The following FAM47E variants were observed in gnomAD, a reference collection of about 807,000 sequenced individuals.
FAM47E encodes the protein protein FAM47E.
Under a neutral mutation model 41.6 loss-of-function variants are expected in FAM47E, and 32 were observed. The ratio of observed to expected loss-of-function variants is 0.77; its 90% confidence interval spans 0.58 to 1.03. The LOEUF is 1.03. Among genes scored for constraint, FAM47E ranks in the 50% least tolerant of loss-of-function variants. The probability of loss-of-function intolerance (pLI) is 0.00; values close to 1 mark genes in which losing one functional copy is unlikely to be tolerated. For synonymous variants in FAM47E, 184 were observed against 188.7 expected (o/e 0.98, Z 0.20); for missense variants, 424 against 485.4 (o/e 0.87, Z 1.19).
chr4:76,225,227 T>G (rs1210746820), intron 2 of FAM47E, among the ~76,000 whole-genome samples: 1 of 152,214 alleles, frequency 6.6e-6, no homozygotes, highest in Non-Finnish European at 1.5e-5. Flanking sequence ...TTTCCAGTTG[T>G]GTATTGTGCT....
intron 5 of FAM47E, among the ~76,000 whole-genome samples, chr4:76,272,575 T>G (rs1441912): frequency 0.75 from 114,216 of 152,148 alleles, 43,258 homozygotes; most frequent in Middle Eastern, 0.84. Context: ...TTCTATCCTT[T>G]ACTCCATTGC....
intron 2 of FAM47E, among the ~76,000 whole-genome samples, chr4:76,222,749 C>T (rs1191810134): frequency 6.6e-6 from 1 of 152,162 alleles, no homozygotes; most frequent in African/African-American, 2.4e-5. Context: ...TGCTATATGC[C>T]AAGCTCTGTT....
chr4:76,232,214 C>T (rs1424604530), intron 2 of FAM47E, among the ~76,000 whole-genome samples: 4 of 152,152 alleles, frequency 2.6e-5, no homozygotes, highest in Admixed American at 6.5e-5. Context: ...AGCAATATTC[C>T]AAGCAAAAGT....
intron 2 of FAM47E, among the ~76,000 whole-genome samples, chr4:76,262,826 A>G (rs879141076): frequency 6.6e-6 from 1 of 152,014 alleles, no homozygotes; most frequent in Admixed American, 6.6e-5. Context: ...GTAGTGGTGC[A>G]ATTATAGTTC....
chr4:76,273,957 T>C (rs72655587), intron 5 of FAM47E, among the ~76,000 whole-genome samples: 25,998 of 152,130 alleles, frequency 0.17, 2,329 homozygotes, highest in African/African-American at 0.24. Context: ...AACTTAGGTC[T>C]TTTTAATTTA....
At chr4:76,231,514 C>G (rs1733491932) in intron 2 of FAM47E, among the ~76,000 whole-genome samples, 1 of 137,900 alleles carries the variant, frequency 7.3e-6, no homozygotes, top group Non-Finnish European at 1.6e-5. Context: ...CTCGCCAGTC[C>G]TCATTTTTGT....
chr4:76,271,631 C>T lies in FAM47E; in HGVS notation c.733C>T (p.Pro245Ser), dbSNP rs1159083272. 2 of 1,552,190 alleles carry T rather than the reference C, an allele frequency of 1.3e-6. No individual in the cohort carries two copies. Among genetic ancestry groups the T allele is most frequent in the Non-Finnish European group, 1.7e-6 (2 of 1,147,108 alleles). The change falls in exon 5 of 8, where the codon CCA (proline) becomes TCA (serine). Residue 245 changes from proline (P) to serine (S), a missense_variant. Pro to Ser is a moderately conservative substitution (Grantham distance 74). Transcript: ENST00000424749. The stretch of plus-strand genomic sequence containing the variant: ...GTTTGACATTGACTATGAGACCAAA[C>T]CAAGCCATGATGCGCTCCACACGAT... ...KQFDIDYETK[P>S]SHDALHTMKL...
At chr4:76,226,790 G>A (rs1353737173) in intron 2 of FAM47E, among the ~76,000 whole-genome samples, 2 of 152,024 alleles carry the variant, frequency 1.3e-5, no homozygotes, top group Non-Finnish European at 1.5e-5. Context: ...ATCTTCTCTA[G>A]ATTTTCTAGT....
At chr4:76,281,931 C>T (rs897577518) in intron 7 of FAM47E, 1 of 152,138 alleles carries the variant, frequency 6.6e-6, no homozygotes, top group African/African-American at 2.4e-5. Flanking sequence ...GATATACCAG[C>T]ATTTATTATT....
intron 2 of FAM47E, among the ~76,000 whole-genome samples, chr4:76,219,932 T>TAAGCA (rs1733279778): frequency 1.3e-5 from 2 of 152,326 alleles, no homozygotes; most frequent in African/African-American, 4.8e-5. Flanking sequence ...ACAACAGTTG[T>TAAGCA]AAGCATTTCC....
intron 1 of FAM47E, 27 bp downstream of exon 1, chr4:76,251,847 GCGCATCCCACGCGGGCCGCGCGGGGGCGC>G: frequency 7.2e-7 from 1 of 1,397,326 alleles, no homozygotes; most frequent in Non-Finnish European, 9.2e-7. Context: ...CGGGCCGAGG[GCGCATCCCACGCGGGCCGCGCGGGGGCGC>G]CTGGAGACCC....
chr4:76,250,509 T>C (rs529921585), upstream of FAM47E, among the ~76,000 whole-genome samples: 2 of 152,308 alleles, frequency 1.3e-5, no homozygotes, highest in Non-Finnish European at 2.9e-5. Flanking sequence ...CTCTGTGGGC[T>C]GTTTACTCTG....
At chr4:76,277,852 A>G (rs1735194519) in intron 5 of FAM47E, among the ~76,000 whole-genome samples, 1 of 152,250 alleles carries the variant, frequency 6.6e-6, no homozygotes, top group East Asian at 1.9e-4. Context: ...GTCAAAATCC[A>G]AAGGCCATGT....
chr4:76,252,994 C>G lies in FAM47E; in HGVS notation c.74+1174C>G, dbSNP rs141814423. On this transcript the variant is annotated intron_variant, in intron 1 of 7. Transcript: ENST00000424749. ...ATAAAGATACAAAACTGTTCCTTCC[C>G]CACAGAGGAACTCTTAGTATTACCC... Among the ~76,000 whole-genome samples, 121 of 152,298 alleles carry G rather than the reference C, an allele frequency of 7.9e-4. 1 individual carries two copies. The highest frequency in any genetic ancestry group is 2.6e-3 in the African/African-American group (110 of 41,546).
chr4:76,280,324 G>A lies in FAM47E; in HGVS notation c.1087G>A (p.Gly363Ser). ...VAFKDFILSRGYRTPRFLENM... is the reference protein window; with the variant it reads ...VAFKDFILSRSYRTPRFLENM... ...CTTTAAGGATTTCATTCTAAGCAGG[G>A]GCTACAGGACGCCACGTGTGAGTAA... Residue 363 changes from glycine to serine, a missense_variant, in exon 7 of 8, where the codon GGC (glycine) becomes AGC (serine). By Grantham distance (56) the Gly-to-Ser change is moderately conservative. Transcript: ENST00000424749. 1.3e-6 allele frequency: 2 copies of A among 1,547,224 alleles called. No individual in the cohort carries two copies. Among genetic ancestry groups the A allele is most frequent in the Non-Finnish European group, 1.7e-6 (2 of 1,143,210 alleles).
At chr4:76,265,228 C>G (rs180675717) in intron 3 of FAM47E, among the ~76,000 whole-genome samples, 1 of 152,322 alleles carries the variant, frequency 6.6e-6, no homozygotes, top group Admixed American at 6.5e-5. Context: ...TCTGCCTTTC[C>G]TCCATGAGGA....
intron 3 of FAM47E, 22 bp downstream of exon 3, chr4:76,263,865 T>C (rs1001245483): frequency 1.9e-5 from 29 of 1,548,644 alleles, no homozygotes; most frequent in Non-Finnish European, 2.4e-5. Context: ...TCTTAACCCT[T>C]CGATCATTGC....
chr4:76,268,571 T>A, intron 3 of FAM47E, 89 bp from the exon 4 acceptor site: 1 of 1,349,376 alleles, frequency 7.4e-7, no homozygotes, highest in Non-Finnish European at 1.0e-6. Context: ...ATACTTGCTT[T>A]ATGATTTCCT....
At position 76,271,551 on chromosome 4, in the gene FAM47E, A is replaced by G. The variant is rs1269716680; in HGVS notation, c.670-17A>G. 9 of 1,551,572 alleles carry G rather than the reference A, an allele frequency of 5.8e-6. No homozygotes were observed. The East Asian group carries it at 1.5e-4, about 25-fold the overall frequency. ...TCACCGATTGCCCTCAATTCATGCA[A>G]TGTGATATTCTTCCAGGGAATTTCG... On this transcript the variant is annotated splice_polypyrimidine_tract_variant and intron_variant, in intron 4 of 7. Coordinates refer to ENST00000424749, the MANE Select transcript of FAM47E (RefSeq NM_001136570.3).
Sources: allele counts gnomAD v4.1 joint callset (sites outside exome capture counted in the v4.1 genomes callset), GRCh38; gene constraint gnomAD v4.1.1; transcripts MANE v1.5; gene names NCBI Gene and HGNC (gene_info 2026-07-23, HGNC 2026-07-21).